The following VPS53 variants were observed in gnomAD, a reference collection of about 807,000 sequenced individuals.
VPS53 encodes the protein vacuolar protein sorting-associated protein 53 homolog.
A neutral mutation model predicts 107.0 loss-of-function variants in VPS53; 70 were observed. That is an observed-to-expected ratio of 0.65 (90% CI 0.54 to 0.80). The LOEUF is 0.80. VPS53 is among the 30% of genes least tolerant of loss of function. The probability of loss-of-function intolerance (pLI) is 0.00; values close to 1 mark genes in which losing one functional copy is unlikely to be tolerated. For missense variants in VPS53, 917 were observed against 1,049.4 expected (o/e 0.87, Z 1.74); for synonymous variants, 409 against 393.3 (o/e 1.04, Z -0.47).
At chr17:542,781 C>T (rs1910800322) in intron 17 of VPS53, among the ~76,000 whole-genome samples, 1 of 152,050 alleles carries the variant, frequency 6.6e-6, no homozygotes, top group Non-Finnish European at 1.5e-5. Context: ...GAATTCGAGA[C>T]CAGCCTGGCC....
Position 515,493 on chromosome 17 carries a change from A to C in VPS53, c.*3635T>G, listed in dbSNP as rs1908239316. 6.6e-6 allele frequency: 1 copy of C among 151,842 alleles called. No homozygotes were observed. Among genetic ancestry groups the C allele is most frequent in the Non-Finnish European group, 1.5e-5 (1 of 67,994 alleles). The allele number at this position is 151,842 out of a possible 1,614,324, so 9.4% of individuals were successfully genotyped here. On this transcript the variant is annotated 3_prime_UTR_variant, in exon 22 of 22. Transcript: ENST00000437048. ...TGATCCACCTGCCTCGGCCTCCCAA[A>C]GTGCTGGGATTACCAGTGTGAGCCA...
intron 1 of VPS53, among the ~76,000 whole-genome samples, chr17:712,139 C>T (rs1335964489): frequency 1.4e-5 from 2 of 147,092 alleles, no homozygotes. Context: ...TAAAGAACTT[C>T]AGGGCAGAGT....
chr17:686,968 G>C (rs530759838), intron 4 of VPS53, among the ~76,000 whole-genome samples: 1 of 146,410 alleles, frequency 6.8e-6, no homozygotes, highest in Non-Finnish European at 1.5e-5. Context: ...GCAACATAGC[G>C]AGACCTCATC....
At chr17:538,157 G>C (rs1910260730) in intron 17 of VPS53, 1 of 152,322 alleles carries the variant, frequency 6.6e-6, no homozygotes, top group Non-Finnish European at 1.5e-5. Flanking sequence ...TGAGTCCTGG[G>C]AACAGAAGGA....
chr17:660,468 T>C (rs1971395115), intron 5 of VPS53, among the ~76,000 whole-genome samples: 1 of 152,164 alleles, frequency 6.6e-6, no homozygotes, highest in East Asian at 1.9e-4. Context: ...GGGAGTAAAC[T>C]GTCACTGCAA....
At chr17:552,323 T>TTGA (rs1199309851) in intron 16 of VPS53, among the ~76,000 whole-genome samples, 2 of 132,724 alleles carry the variant, frequency 1.5e-5, no homozygotes, top group Non-Finnish European at 3.5e-5. Context: ...CAATAAGTGG[T>TTGA]TGATGTGAAA....
intron 11 of VPS53, among the ~76,000 whole-genome samples, chr17:604,960 C>G (rs1273077273): frequency 6.6e-6 from 1 of 152,172 alleles, no homozygotes; most frequent in Non-Finnish European, 1.5e-5. Flanking sequence ...CTGGGGGAGA[C>G]AGCCTTCAAT....
chr17:624,665 G>A lies in VPS53; in HGVS notation c.975-991C>T, dbSNP rs78320198. ...CGAGACAACAATGGCAGGTACTGGC[G>A]CTCACAAGAAACGTGCTGGCTCTAG... On this transcript the variant is annotated intron_variant, in intron 10 of 21. Transcript: ENST00000437048. Among the ~76,000 whole-genome samples, 132 of 152,270 alleles carry A rather than the reference G, an allele frequency of 8.7e-4. 1 individual carries two copies. The East Asian group carries it at 0.024, about 27-fold the overall frequency.
At chr17:695,175 T>A (rs145095410) in intron 4 of VPS53, among the ~76,000 whole-genome samples, 333 of 152,258 alleles carry the variant, frequency 2.2e-3, no homozygotes, top group African/African-American at 7.6e-3. Context: ...AATGGGGCTG[T>A]GGGATTTATG....
intron 17 of VPS53, chr17:537,862 T>TA (rs1476223624): frequency 6.6e-6 from 1 of 152,134 alleles, no homozygotes; most frequent in Non-Finnish European, 1.5e-5. Context: ...TGTAGAATCT[T>TA]ACACTCCTAA....
intron 13 of VPS53, among the ~76,000 whole-genome samples, chr17:580,295 T>C (rs949188774): frequency 1.3e-5 from 2 of 151,318 alleles, no homozygotes; most frequent in African/African-American, 4.9e-5. Context: ...CCTCAGAACC[T>C]AATGCGTTCC....
chr17:662,799 AAG>A lies in VPS53; in HGVS notation c.286-906_286-905del, dbSNP rs1051987083. ...AGAAAGAAAGAAAAAAAGAAAGAGA[AAG>A]AAAGAAAAAAAGAAAGAAAGAGAAA... is the stretch of plus-strand genomic sequence containing the variant. On this transcript the variant is annotated intron_variant, in intron 4 of 21. Coordinates refer to ENST00000437048, the MANE Select transcript of VPS53 (RefSeq NM_001128159.3). Among the ~76,000 whole-genome samples, 15 of 140,764 alleles carry A rather than the reference AAG, an allele frequency of 1.1e-4. 1 individual carries two copies. The highest frequency in any genetic ancestry group is 3.9e-4 in the African/African-American group (15 of 38,748). The allele number at this position is 140,764 out of a possible 152,430, so 92.3% of individuals were successfully genotyped here.
intron 13 of VPS53, among the ~76,000 whole-genome samples, chr17:566,117 T>G (rs1913479832): frequency 7.1e-6 from 1 of 141,048 alleles, no homozygotes; most frequent in African/African-American, 2.7e-5. Context: ...GGCAGGAGAA[T>G]GGCGTGAACC....
At chr17:565,173 GGGT>G (rs1913372736) in intron 13 of VPS53, among the ~76,000 whole-genome samples, 1 of 151,922 alleles carries the variant, frequency 6.6e-6, no homozygotes, top group Admixed American at 6.6e-5. Context: ...AAGCCGGGGC[GGGT>G]GGATCACCTG....
At chr17:566,203 CAAAAAAAA>C (rs1003234136) in intron 13 of VPS53, among the ~76,000 whole-genome samples, 6 of 57,312 alleles carry the variant, frequency 1.0e-4, no homozygotes, top group African/African-American at 2.6e-4. Flanking sequence ...GACTCCGTCT[CAAAAAAAA>C]AAAAAAAAAA....
chr17:700,077 CTG>C (rs1973137420), intron 2 of VPS53, among the ~76,000 whole-genome samples: 1 of 152,008 alleles, frequency 6.6e-6, no homozygotes, highest in African/African-American at 2.4e-5. Context: ...GTGTACTCCT[CTG>C]TATTATGTTA....
chr17:584,365 C>T (rs2142999762), intron 13 of VPS53, among the ~76,000 whole-genome samples: 2 of 152,198 alleles, frequency 1.3e-5, no homozygotes, highest in Admixed American at 1.3e-4. Context: ...ACGCACACAA[C>T]GGACACTGGA....
At chr17:638,138 C>T (rs1477026845) in intron 7 of VPS53, among the ~76,000 whole-genome samples, 1 of 152,152 alleles carries the variant, frequency 6.6e-6, no homozygotes, top group African/African-American at 2.4e-5. Flanking sequence ...GTTAGCTCTT[C>T]TTGTTGAATT....
Position 623,683 on chromosome 17 carries a change from CAA to C in VPS53, c.975-11_975-10del, listed in dbSNP as rs1244939020. ...TCTTGGCAAGTTCTGCCCTTCAAAA[CAA>C]AGAGATAAGAATACTATCAAACAAG... On this transcript the variant is annotated splice_polypyrimidine_tract_variant and intron_variant, in intron 10 of 21. Transcript: ENST00000437048. 1.2e-6 allele frequency: 2 copies of C among 1,605,642 alleles called. No individual in the cohort carries two copies. Among genetic ancestry groups the C allele is most frequent in the East Asian group, 2.2e-5 (1 of 44,748 alleles).
Sources: allele counts gnomAD v4.1 joint callset (sites outside exome capture counted in the v4.1 genomes callset), GRCh38; gene constraint gnomAD v4.1.1; transcripts MANE v1.5; gene names NCBI Gene and HGNC (gene_info 2026-07-23, HGNC 2026-07-21).